WDR72: variants seen among roughly 807,000 people sequenced by gnomAD.
The protein encoded by WDR72 is WD repeat domain 72.
A neutral mutation model predicts 124.2 loss-of-function variants in WDR72; 120 were observed. The ratio of observed to expected loss-of-function variants is 0.97; its 90% CI spans 0.83 to 1.12. The LOEUF (loss-of-function observed/expected upper bound fraction) is 1.12. WDR72 is among the 50% of genes most tolerant of loss of function. The probability of loss-of-function intolerance (pLI) is 0.00; values close to 1 mark genes in which losing one functional copy is unlikely to be tolerated. For synonymous variants in WDR72, 452 were observed against 441.7 expected, an observed-to-expected ratio of 1.02 and a Z score of -0.29; for missense variants, 1,387 against 1,278.8, an observed-to-expected ratio of 1.08 and a Z score of -1.29.
intron 1 of WDR72, among the ~76,000 whole-genome samples, chr15:53,735,783 C>T (rs887265237): frequency 3.3e-5 from 5 of 151,676 alleles, no homozygotes; most frequent in African/African-American, 1.2e-4. Flanking sequence ...AATAAGTGAA[C>T]AATCTAAAAC....
intron 13 of WDR72, among the ~76,000 whole-genome samples, chr15:53,672,737 T>C (rs1032356258): frequency 6.6e-6 from 1 of 152,232 alleles, no homozygotes; most frequent in African/African-American, 2.4e-5. Context: ...CATCACATTC[T>C]ACACTTCAAT....
intron 18 of WDR72, among the ~76,000 whole-genome samples, chr15:53,565,696 C>A (rs1230800219): frequency 1.3e-5 from 2 of 151,726 alleles, no homozygotes; most frequent in Non-Finnish European, 2.9e-5. Context: ...CAATCTCTTG[C>A]TCTTACAAGC....
chr15:53,761,837 C>CGATCAAACAAAAAA (rs56685517), upstream of WDR72, among the ~76,000 whole-genome samples: 21 of 151,902 alleles, frequency 1.4e-4, no homozygotes, highest in South Asian at 4.1e-4. Context: ...AAAACAAAAA[C>CGATCAAACAAAAAA]CCAAAGCAGA....
chr15:53,678,003 AAGAC>A (rs1432482242), intron 13 of WDR72, among the ~76,000 whole-genome samples: 1 of 152,196 alleles, frequency 6.6e-6, no homozygotes, highest in African/African-American at 2.4e-5. Context: ...TTTAACTAAA[AAGAC>A]AGGCAAGGCC....
At chr15:53,659,699 T>C (rs1044053888) in intron 14 of WDR72, among the ~76,000 whole-genome samples, 2 of 124,474 alleles carry the variant, frequency 1.6e-5, no homozygotes, top group Non-Finnish European at 3.2e-5. Context: ...CATAAGGCAG[T>C]TATAAAAAAA....
intron 17 of WDR72, among the ~76,000 whole-genome samples, chr15:53,597,794 G>A (rs1229992260): frequency 1.3e-5 from 2 of 152,130 alleles, no homozygotes; most frequent in Admixed American, 6.6e-5. Flanking sequence ...ATAGATTAAA[G>A]TATTGCAAGG....
rs1470810197 is a variant in WDR72 at position 53,705,157 on chromosome 15, G to A, written c.1179C>T (p.Asp393=). Residue 393 remains aspartate (D), a synonymous_variant, in exon 11 of 20, where the codon GAC becomes GAT. Transcript: ENST00000360509. ...CCCCATCTTTAAGCCCAGAGAAATA[G>A]TCAATAATACTTTGTGACATAGTAT... ...KHDTMSQSII[D]YFSGLKDGAG... is the part of the protein sequence containing the mutation. The A allele has an allele frequency of 2.0e-5, 32 of 1,614,074 alleles. No homozygotes were observed. The highest frequency in any genetic ancestry group is 2.7e-5 in the Non-Finnish European group (32 of 1,180,018).
intron 13 of WDR72, among the ~76,000 whole-genome samples, chr15:53,698,034 T>C (rs1254899437): frequency 6.6e-6 from 1 of 152,188 alleles, no homozygotes; most frequent in Non-Finnish European, 1.5e-5. Flanking sequence ...GGATTATTTG[T>C]TTTTCTTTAT....
chr15:53,592,807 C>G (rs1364727814), intron 18 of WDR72, among the ~76,000 whole-genome samples: 1 of 152,006 alleles, frequency 6.6e-6, no homozygotes, highest in Non-Finnish European at 1.5e-5. Flanking sequence ...CTTTCAAATG[C>G]AATTTAATAA....
intron 1 of WDR72, among the ~76,000 whole-genome samples, chr15:53,758,871 G>T (rs959205225): frequency 5.4e-5 from 8 of 147,294 alleles, no homozygotes; most frequent in African/African-American, 1.7e-4. Context: ...ATACAAAAAT[G>T]CTATAATAAG....
chr15:53,667,742 A>T (rs2015829178), intron 13 of WDR72, among the ~76,000 whole-genome samples: 1 of 152,312 alleles, frequency 6.6e-6, no homozygotes, highest in South Asian at 2.1e-4. Context: ...GATATTGTTT[A>T]CATATTTTGA....
intron 13 of WDR72, among the ~76,000 whole-genome samples, chr15:53,681,982 T>C (rs1028963115): frequency 6.6e-6 from 1 of 152,144 alleles, no homozygotes; most frequent in Non-Finnish European, 1.5e-5. Context: ...TGTAATAAAA[T>C]GTAGGTAATT....
intron 2 of WDR72, among the ~76,000 whole-genome samples, chr15:53,725,055 C>T (rs8030659): frequency 0.043 from 6,520 of 151,892 alleles, 156 homozygotes; most frequent in Non-Finnish European, 0.052. Flanking sequence ...AAAAGTTATA[C>T]CTGATAAAGG....
At chr15:53,614,536 A>G (rs762860742) in intron 15 of WDR72, among the ~76,000 whole-genome samples, 19 of 152,084 alleles carry the variant, frequency 1.2e-4, no homozygotes, top group Non-Finnish European at 1.9e-4. Context: ...ACAACATTTG[A>G]AAGGCTATTT....
At position 53,634,178 on chromosome 15, in the gene WDR72, T is replaced by G. The variant is rs563326679; in HGVS notation, c.1963-17935A>C. 5.9e-5 allele frequency among the ~76,000 whole-genome samples: 9 copies of G among 152,260 alleles called. No homozygotes were observed. The South Asian group carries it at 1.7e-3, about 28-fold the overall frequency. On this transcript the variant is annotated intron_variant, in intron 14 of 19. Coordinates refer to ENST00000360509, the MANE Select transcript of WDR72 (RefSeq NM_182758.4). ...TCTTACAATTAAAATAACCTGGACA[T>G]AAACAACAAAAATAGTCAGTCTCTG...
chr15:53,758,730 T>A, intron 1 of WDR72, among the ~76,000 whole-genome samples: 1 of 114,460 alleles, frequency 8.7e-6, no homozygotes, highest in Middle Eastern at 7.7e-3. Context: ...TGACCTAGTC[T>A]CCAATCGGTG....
chr15:53,523,497 T>C (rs1891925729), intron 18 of WDR72, among the ~76,000 whole-genome samples, 175 bp from the exon 19 acceptor site: 1 of 152,054 alleles, frequency 6.6e-6, no homozygotes, highest in African/African-American at 2.4e-5. Context: ...TTGGCAGACA[T>C]GTAATTAGTT....
chr15:53,706,369 T>TACATAC (rs59759547), intron 9 of WDR72, among the ~76,000 whole-genome samples: 815 of 50,988 alleles, frequency 0.016, 19 homozygotes, highest in African/African-American at 0.057. Context: ...TATATATATA[T>TACATAC]ATATATATAT....
intron 14 of WDR72, among the ~76,000 whole-genome samples, chr15:53,626,919 A>C (rs1482753885): frequency 6.6e-6 from 1 of 152,232 alleles, no homozygotes; most frequent in East Asian, 1.9e-4. Context: ...TCATCTTCTC[A>C]CTTTTGTCAC....
Sources: allele counts gnomAD v4.1 joint callset (sites outside exome capture counted in the v4.1 genomes callset), GRCh38; gene constraint gnomAD v4.1.1; transcripts MANE v1.5; gene names NCBI Gene and HGNC (gene_info 2026-07-23, HGNC 2026-07-21).